The following LNX2 variants were observed in gnomAD, a reference collection of about 807,000 sequenced individuals.
LNX2 encodes the protein ligand of numb-protein X 2, also known as ligand of Numb protein X 2.
In LNX2, 35 loss-of-function variants were observed where a neutral mutation model predicts 66.2. That is an observed-to-expected ratio of 0.53 (90% confidence interval 0.40 to 0.70). The LOEUF is 0.70. Among genes scored for constraint, LNX2 ranks in the 30% least tolerant of loss-of-function variants. LNX2 has a pLI of 0.00. For missense variants in LNX2, 791 were observed against 850.8 expected (o/e 0.93, Z 0.87); for synonymous variants, 337 against 315.6 (o/e 1.07, Z -0.72).
intron 1 of LNX2, among the ~76,000 whole-genome samples, chr13:27,605,831 CACAG>C (rs1383249598): frequency 2.0e-5 from 3 of 152,242 alleles, no homozygotes; most frequent in Non-Finnish European, 4.4e-5. Flanking sequence ...TATATTTCAC[CACAG>C]AAAGAAAAGC....
Position 27,620,497 on chromosome 13 carries a change from C to T in LNX2, c.-223G>A. 7.3e-6 allele frequency: 1 copy of T among 136,056 alleles called. No individual in the cohort carries two copies. The highest frequency in any genetic ancestry group is 1.6e-5 in the Non-Finnish European group (1 of 63,212). 8.4% of individuals were successfully genotyped at this position (136,056 alleles called of 1,614,324 possible). A position where few individuals can be genotyped will look rare whatever the true frequency, so the allele number is the denominator to read the frequency against. On this transcript the variant is annotated 5_prime_UTR_variant, in exon 1 of 10. Coordinates refer to ENST00000316334, the MANE Select transcript of LNX2 (RefSeq NM_153371.4). Reference sequence around the variant, plus strand: ...TGCCCGGCTCCGCTCCGCCAGGAATCGCCGCCGCCGCCGCCGCCGCCGCGG... The same window carrying T: ...TGCCCGGCTCCGCTCCGCCAGGAATTGCCGCCGCCGCCGCCGCCGCCGCGG...
intron 2 of LNX2, 113 bp downstream of exon 2, chr13:27,581,183 TC>T: frequency 1.5e-6 from 1 of 683,692 alleles, no homozygotes; most frequent in South Asian, 2.8e-5. Context: ...TGTACTTGAT[TC>T]ACCCATTTAC....
intron 7 of LNX2, among the ~76,000 whole-genome samples, chr13:27,555,290 C>T (rs553843690): frequency 6.6e-6 from 1 of 152,270 alleles, no homozygotes; most frequent in East Asian, 1.9e-4. Context: ...TATTTATCTT[C>T]TTTAGAGAAA....
chr13:27,564,359 C>G (rs924338300), intron 4 of LNX2, among the ~76,000 whole-genome samples: 1 of 117,282 alleles, frequency 8.5e-6, no homozygotes, highest in African/African-American at 3.6e-5. Flanking sequence ...CATTTTTGAG[C>G]TAAATGTATT....
intron 1 of LNX2, among the ~76,000 whole-genome samples, chr13:27,592,508 TAAG>T (rs893408387): frequency 6.6e-6 from 1 of 152,164 alleles, no homozygotes; most frequent in Non-Finnish European, 1.5e-5. Context: ...GTTAGATTTC[TAAG>T]AAGAGACACT....
intron 1 of LNX2, among the ~76,000 whole-genome samples, chr13:27,583,899 T>C (rs909041113): frequency 6.6e-6 from 1 of 151,938 alleles, no homozygotes; most frequent in Non-Finnish European, 1.5e-5. Flanking sequence ...TCTGGCTTTG[T>C]GGCCGGAAAT....
intron 1 of LNX2, among the ~76,000 whole-genome samples, chr13:27,583,468 G>T (rs917267500): frequency 3.3e-5 from 5 of 152,120 alleles, no homozygotes; most frequent in Admixed American, 6.6e-5. Flanking sequence ...ATATTGGCCA[G>T]GCGGGTCTCA....
intron 9 of LNX2, 84 bp from the exon 10 acceptor site, chr13:27,548,554 A>G (rs1954970609): frequency 1.4e-6 from 2 of 1,444,624 alleles, no homozygotes; most frequent in Non-Finnish European, 1.9e-6. Flanking sequence ...AGCATGAAAA[A>G]TGCGGTTTCA....
At chr13:27,601,783 C>T (rs1955660808) in intron 1 of LNX2, among the ~76,000 whole-genome samples, 1 of 152,062 alleles carries the variant, frequency 6.6e-6, no homozygotes, top group African/African-American at 2.4e-5. Flanking sequence ...AACTCCTGGG[C>T]TCAAGCGATC....
At chr13:27,612,216 T>C (rs560690421) in intron 1 of LNX2, among the ~76,000 whole-genome samples, 25 of 152,338 alleles carry the variant, frequency 1.6e-4, no homozygotes, top group Admixed American at 5.9e-4. Flanking sequence ...GACTAAATCA[T>C]GAGTGATGAA....
intron 1 of LNX2, among the ~76,000 whole-genome samples, chr13:27,593,547 T>C (rs1955566406): frequency 6.7e-6 from 1 of 150,234 alleles, no homozygotes; most frequent in Non-Finnish European, 1.5e-5. Flanking sequence ...TCCTTGAAAC[T>C]CTTTGCTGGC....
At chr13:27,616,853 G>A (rs1221616237) in intron 1 of LNX2, among the ~76,000 whole-genome samples, 1 of 152,170 alleles carries the variant, frequency 6.6e-6, no homozygotes, top group Non-Finnish European at 1.5e-5. Context: ...GGGTTCAAGC[G>A]ATTTCTCCTG....
At chr13:27,613,869 T>C (rs73432843) in intron 1 of LNX2, among the ~76,000 whole-genome samples, 14 of 152,362 alleles carry the variant, frequency 9.2e-5, no homozygotes, top group African/African-American at 3.1e-4. Flanking sequence ...TTTTAAATAC[T>C]ACAAGGGCAG....
At chr13:27,585,094 C>G (rs1955468337) in intron 1 of LNX2, among the ~76,000 whole-genome samples, 1 of 147,164 alleles carries the variant, frequency 6.8e-6, no homozygotes, top group South Asian at 2.1e-4. Flanking sequence ...GCACTCCAGC[C>G]TGGGTGACAG....
chr13:27,601,481 G>C (rs1955658004), intron 1 of LNX2, among the ~76,000 whole-genome samples: 1 of 152,144 alleles, frequency 6.6e-6, no homozygotes, highest in Admixed American at 6.5e-5. Flanking sequence ...TAATAAACTA[G>C]AATGATACTT....
At position 27,569,694 on chromosome 13, in the gene LNX2, A is replaced by T. The variant is rs1309213698; in HGVS notation, c.408-418T>A. The stretch of plus-strand genomic sequence containing the variant: ...CACAAGTGGTTGCGTCCTGACTTAG[A>T]CCTTGATTGTGCCACCATGCTTCTA... On this transcript the variant is annotated intron_variant, in intron 2 of 9. Transcript: ENST00000316334. 3.3e-5 allele frequency among the ~76,000 whole-genome samples: 5 copies of T among 152,242 alleles called. No homozygotes were observed. In the South Asian group the frequency reaches 6.2e-4, roughly 19 times the overall value.
At chr13:27,568,335 G>C (rs1381545023) in intron 3 of LNX2, among the ~76,000 whole-genome samples, 1 of 152,178 alleles carries the variant, frequency 6.6e-6, no homozygotes, top group African/African-American at 2.4e-5. Flanking sequence ...ATTTGTAGTA[G>C]AGCTTGGAAA....
In LNX2 at chr13:27,620,496, TCGCCGC is replaced by T. The variant is rs530368033; in HGVS notation, c.-228_-223del. ...CTGCCCGGCTCCGCTCCGCCAGGAA[TCGCCGC>T]CGCCGCCGCCGCCGCCGCGGATTTC... On this transcript the variant is annotated 5_prime_UTR_variant, in exon 1 of 10. Transcript: ENST00000316334. The T allele has an allele frequency of 3.3e-3, 559 of 171,612 alleles. 2 individuals carry two copies. Among genetic ancestry groups the T allele is most frequent in the African/African-American group, 0.011 (473 of 41,548 alleles). 10.6% of individuals were successfully genotyped at this position (171,612 alleles called of 1,614,324 possible).
intron 1 of LNX2, among the ~76,000 whole-genome samples, chr13:27,597,444 G>C (rs1955611156): frequency 6.6e-6 from 1 of 152,152 alleles, no homozygotes; most frequent in Non-Finnish European, 1.5e-5. Flanking sequence ...AGGAACAACA[G>C]CTTTAAAAAT....
Sources: gnomAD v4.1 joint callset for allele counts (sites outside exome capture counted in the v4.1 genomes callset) on GRCh38, gnomAD v4.1.1 for gene constraint, MANE v1.5 for transcripts, NCBI Gene and HGNC (gene_info 2026-07-23, HGNC 2026-07-21) for gene names.